The following ERMP1 variants were observed in gnomAD, a reference collection of about 807,000 sequenced individuals.
ERMP1 encodes endoplasmic reticulum metallopeptidase 1.
Under a neutral mutation model 92.0 loss-of-function variants are expected in ERMP1, and 86 were observed. The ratio of observed to expected loss-of-function variants is 0.93; its 90% confidence interval spans 0.79 to 1.12. The LOEUF is 1.12. Among genes scored for constraint, ERMP1 ranks in the 50% most tolerant of loss-of-function variants. The pLI, the probability that ERMP1 is intolerant of heterozygous loss-of-function variation, is 0.00. For synonymous variants in ERMP1, 530 were observed against 412.8 expected, an observed-to-expected ratio of 1.28 and a Z score of -3.44; for missense variants, 1,342 against 1,116.3, an observed-to-expected ratio of 1.20 and a Z score of -2.88.
At position 5,808,376 on chromosome 9, in the gene ERMP1, G is replaced by A. The variant is rs939052504; in HGVS notation, c.1548+1635C>T. Reference sequence around the variant, plus strand: ...ATAAGCATGTGAAATTGAGCCCCACGGTATAATTCTTTTGGGAACTGAAGC... The same window carrying A: ...ATAAGCATGTGAAATTGAGCCCCACAGTATAATTCTTTTGGGAACTGAAGC... On this transcript the variant is annotated intron_variant, in intron 8 of 14. Transcript: ENST00000339450. Among the ~76,000 whole-genome samples, 7 of 152,266 alleles carry A rather than the reference G, an allele frequency of 4.6e-5. No homozygotes were observed. In the East Asian group the frequency reaches 5.8e-4, roughly 13 times the overall value.
intron 5 of ERMP1, 111 bp from the exon 6 acceptor site, chr9:5,812,328 C>T (rs1421583641): frequency 2.6e-5 from 16 of 615,954 alleles, no homozygotes; most frequent in Admixed American, 6.2e-5. Flanking sequence ...AGCAGTGGCA[C>T]GATTGCTTTG....
intron 5 of ERMP1, 191 bp downstream of exon 5, chr9:5,812,698 G>C: frequency 1.5e-6 from 1 of 647,998 alleles, no homozygotes; most frequent in South Asian, 1.8e-5. Flanking sequence ...ACATATTTTA[G>C]AGGAGGCCAG....
chr9:5,847,918 A>G (rs558013496), intron 6 of ERMP1, among the ~76,000 whole-genome samples: 1 of 151,858 alleles, frequency 6.6e-6, no homozygotes, highest in Non-Finnish European at 1.5e-5. Flanking sequence ...GACAGGAAAA[A>G]AAAAAAAACC....
Position 5,805,268 on chromosome 9 carries a change from T to C in ERMP1, c.1724-51A>G, listed in dbSNP as rs865872177. On this transcript the variant is annotated intron_variant, in intron 9 of 14. Coordinates refer to ENST00000339450, the MANE Select transcript of ERMP1 (RefSeq NM_024896.3). ...ACATCTATGAAATCCTCCAGTGAGA[T>C]ATAAATTTTTATAGTACTGGTGTGC... The C allele has an allele frequency of 8.0e-6, 11 of 1,367,936 alleles. No homozygotes were observed. In the Middle Eastern group the frequency reaches 1.2e-3, roughly 148 times the overall value. The allele number at this position is 1,367,936 out of a possible 1,614,324, so 84.7% of individuals were successfully genotyped here.
chr9:5,843,178 G>C lies in ERMP1; in HGVS notation n.3200-9866C>G, dbSNP rs73639529. 2.7e-3 allele frequency among the ~76,000 whole-genome samples: 405 copies of C among 152,330 alleles called. 3 individuals carry two copies. Among genetic ancestry groups the C allele is most frequent in the African/African-American group, 9.2e-3 (383 of 41,562 alleles). ...AAACAGGTCAGGTTAAGGTTAGAAG[G>C]AGTGGTAAGGACTGGCGTGAACTAG... On this transcript the variant is annotated intron_variant and non_coding_transcript_variant, in intron 6 of 6. Coordinates refer to the ERMP1 transcript ENST00000690753.
chr9:5,830,764 C>T lies in ERMP1; in HGVS notation c.603G>A (p.Leu201=), dbSNP rs1264697035. The T allele has an allele frequency of 6.2e-7, 1 of 1,613,844 alleles. No individual in the cohort carries two copies. Among genetic ancestry groups the T allele is most frequent in the Non-Finnish European group, 8.5e-7 (1 of 1,179,880 alleles). The change falls in exon 2 of 15, where the codon TTG becomes TTA. Residue 201 remains leucine (L), a synonymous_variant. Transcript: ENST00000339450. ...CTACTGAGTCAAAATGACAATTAGC[C>T]AAGACAGCATGCTGGGCTCCATCTC... ...EPRDGAQHAV[L]ANCHFDSVAN... is the part of the protein sequence containing the mutation.
chr9:5,857,891 C>T (rs554235511), intron 6 of ERMP1, among the ~76,000 whole-genome samples: 10 of 152,246 alleles, frequency 6.6e-5, no homozygotes, highest in East Asian at 3.9e-4. Context: ...TAGAAGATGT[C>T]GACCCCATTC....
intron 2 of ERMP1, among the ~76,000 whole-genome samples, chr9:5,826,512 C>T (rs1293226216): frequency 6.6e-6 from 1 of 152,144 alleles, no homozygotes; most frequent in East Asian, 1.9e-4. Context: ...CTTTGCAAAT[C>T]TGAGGAAGGC....
rs1563754622 is a variant in ERMP1 at position 5,805,049 on chromosome 9, G to A, written c.1892C>T (p.Thr631Ile). ...TACAAAATAGGACGAGAGAATCATT[G>A]TACAGCCAGCCAAAATGGATGCCAG... ...VVLASILAGC[T>I]MILSSYFINF... is the part of the protein sequence containing the mutation. The change falls in exon 10 of 15, where the codon ACA (threonine) becomes ATA (isoleucine). Residue 631 changes from threonine (T) to isoleucine (I), a missense_variant. Transcript: ENST00000339450. The A allele has an allele frequency of 2.5e-6, 4 of 1,611,404 alleles. No homozygotes were observed. Among genetic ancestry groups the A allele is most frequent in the Non-Finnish European group, 3.4e-6 (4 of 1,179,418 alleles).
upstream of ERMP1, among the ~76,000 whole-genome samples, chr9:5,834,234 GTTC>G (rs1210783094): frequency 1.3e-5 from 2 of 152,282 alleles, no homozygotes; most frequent in Non-Finnish European, 2.9e-5. Context: ...TACCTGGAGT[GTTC>G]TTCTCTCTCC....
chr9:5,855,418 T>G (rs987539001), intron 6 of ERMP1, among the ~76,000 whole-genome samples: 2 of 152,214 alleles, frequency 1.3e-5, no homozygotes, highest in African/African-American at 4.8e-5. Flanking sequence ...GGCTTACTGG[T>G]GCTGTGATTC....
In ERMP1 at chr9:5,786,658, C is replaced by T. The variant is rs1827948970; in HGVS notation, c.*486G>A. ...CAATGCTTCTCTCCCAGCCCTATGG[C>T]AATCACTTTCCAGTGACCTACACAG... On this transcript the variant is annotated 3_prime_UTR_variant, in exon 15 of 15. Transcript: ENST00000339450. 6.4e-6 allele frequency: 1 copy of T among 157,006 alleles called. No individual in the cohort carries two copies. The highest frequency in any genetic ancestry group is 6.1e-5 in the Admixed American group (1 of 16,464). 9.7% of individuals were successfully genotyped at this position (157,006 alleles called of 1,614,324 possible). A position where few individuals can be genotyped will look rare whatever the true frequency, so the allele number is the denominator to read the frequency against.
intron 6 of ERMP1, among the ~76,000 whole-genome samples, chr9:5,848,689 T>C (rs1184950574): frequency 2.1e-5 from 1 of 47,448 alleles, no homozygotes; most frequent in Non-Finnish European, 4.9e-5. Flanking sequence ...GACCTCTCTC[T>C]ACCTCCACCC....
chr9:5,801,411 C>T, intron 10 of ERMP1, 83 bp from the exon 11 acceptor site: 2 of 1,388,618 alleles, frequency 1.4e-6, no homozygotes, highest in African/African-American at 1.4e-5. Context: ...TTATTTTTAA[C>T]AGTATTACCT....
intron 6 of ERMP1, among the ~76,000 whole-genome samples, chr9:5,844,761 T>C (rs1394835541): frequency 1.3e-5 from 2 of 152,192 alleles, no homozygotes; most frequent in Admixed American, 6.5e-5. Context: ...TTTTCAACTT[T>C]ATCAGCCTTG....
intron 8 of ERMP1, among the ~76,000 whole-genome samples, chr9:5,805,987 G>A (rs2131227862): frequency 6.6e-6 from 1 of 152,220 alleles, no homozygotes; most frequent in Non-Finnish European, 1.5e-5. Context: ...GCACAAGAAA[G>A]GGCATTTTAA....
upstream of ERMP1, among the ~76,000 whole-genome samples, chr9:5,836,697 TTGATC>T (rs1247552899): frequency 6.6e-6 from 1 of 152,146 alleles, no homozygotes. Flanking sequence ...TGTTGGACAA[TTGATC>T]TTTCCAACTC....
At chr9:5,847,694 G>C (rs976425333) in intron 6 of ERMP1, among the ~76,000 whole-genome samples, 3 of 152,040 alleles carry the variant, frequency 2.0e-5, no homozygotes, top group Admixed American at 2.0e-4. Context: ...AAGAGATCGA[G>C]ACCATCCTGG....
At chr9:5,834,960 G>T (rs1830070545), upstream of ERMP1, among the ~76,000 whole-genome samples, 1 of 588 alleles carries the variant, frequency 1.7e-3, no homozygotes, top group Non-Finnish European at 8.2e-3. Flanking sequence ...ATAGACAGAT[G>T]ATAGATGGAT....
Sources: allele counts gnomAD v4.1 joint callset (sites outside exome capture counted in the v4.1 genomes callset), GRCh38; gene constraint gnomAD v4.1.1; transcripts MANE v1.5; gene names NCBI Gene and HGNC (gene_info 2026-07-23, HGNC 2026-07-21).